Variants in EYA1 observed in about 807,000 individuals in gnomAD.
EYA1 encodes the protein EYA transcriptional coactivator and phosphatase 1, also known as protein phosphatase EYA1.
Under a neutral mutation model 82.0 loss-of-function variants are expected in EYA1, and 16 were observed. The observed-to-expected ratio is 0.20, with a 90% CI of 0.13 to 0.30. EYA1 has a LOEUF of 0.30. EYA1 is among the 10% of genes least tolerant of loss of function. EYA1 has a pLI of 1.00. For missense variants in EYA1, 633 were observed against 730.7 expected (o/e 0.87, Z 1.54); for synonymous variants, 261 against 264.4 (o/e 0.99, Z 0.12).
chr8:71,417,714 A>G lies in EYA1; in HGVS notation c.34-61203T>C, dbSNP rs546239106. Among the ~76,000 whole-genome samples the G allele has an allele frequency of 2.9e-4, 44 of 152,298 alleles. No individual in the cohort carries two copies. In the South Asian group the frequency reaches 8.7e-3, roughly 30 times the overall value. On this transcript the variant is annotated intron_variant, in intron 2 of 18. Coordinates refer to the EYA1 transcript ENST00000643681. ...ACCAGACAGCCCTCTATAACAAAGAATGATCCGGCCAACATGTCAGCAATG... is the reference window on the plus strand; with the variant it reads ...ACCAGACAGCCCTCTATAACAAAGAGTGATCCGGCCAACATGTCAGCAATG...
upstream of EYA1, among the ~76,000 whole-genome samples, chr8:71,362,696 G>C (rs1827507594): frequency 6.6e-6 from 1 of 152,152 alleles, no homozygotes. Flanking sequence ...CCTTGGCTAT[G>C]AACCAGATAA....
At chr8:71,488,187 AATCAATGATATAAAGGATAAATATAC>A (rs1224088347) in intron 2 of EYA1, among the ~76,000 whole-genome samples, 22 of 152,280 alleles carry the variant, frequency 1.4e-4, no homozygotes, top group Non-Finnish European at 2.9e-5. Flanking sequence ...ATCAAATATA[AATCAATGATATAAAGGATAAATATAC>A]ATCAATGATA....
intron 7 of EYA1, among the ~76,000 whole-genome samples, chr8:71,312,585 G>A (rs895558764): frequency 2.0e-5 from 3 of 152,090 alleles, no homozygotes; most frequent in African/African-American, 7.2e-5. Flanking sequence ...TTACAGGCAC[G>A]TGACATTACA....
chr8:71,275,786 G>A (rs1817097312), intron 9 of EYA1, among the ~76,000 whole-genome samples: 1 of 152,122 alleles, frequency 6.6e-6, no homozygotes. Flanking sequence ...ACAACAGGGG[G>A]TAAAACTCCT....
intron 2 of EYA1, among the ~76,000 whole-genome samples, chr8:71,522,114 G>A (rs572941964): frequency 6.6e-6 from 1 of 152,224 alleles, no homozygotes; most frequent in Admixed American, 6.5e-5. Flanking sequence ...TGCTTTATGT[G>A]AAACTTTCTG....
In EYA1 at chr8:71,533,789, G is replaced by A. The variant is rs112780428; in HGVS notation, c.33+1955C>T. On this transcript the variant is annotated intron_variant, in intron 2 of 18. Coordinates refer to the EYA1 transcript ENST00000643681. ...TGGCTGAGCAGTCAGCTGCCAAATTGCCAGGACACAGATTCTCCAATCAGT... is the reference window on the plus strand; with the variant it reads ...TGGCTGAGCAGTCAGCTGCCAAATTACCAGGACACAGATTCTCCAATCAGT... Among the ~76,000 whole-genome samples the A allele has an allele frequency of 5.6e-3, 851 of 152,242 alleles. 7 individuals carry two copies. Among genetic ancestry groups the A allele is most frequent in the African/African-American group, 0.019 (804 of 41,536 alleles).
chr8:71,407,048 T>C (rs1830287724), intron 2 of EYA1, among the ~76,000 whole-genome samples: 1 of 113,216 alleles, frequency 8.8e-6, no homozygotes, highest in Admixed American at 9.4e-5. Flanking sequence ...GACTGCCTCC[T>C]CAAGTGGGTC....
At chr8:71,489,812 G>A (rs754580782) in intron 2 of EYA1, among the ~76,000 whole-genome samples, 10 of 152,236 alleles carry the variant, frequency 6.6e-5, no homozygotes, top group Non-Finnish European at 1.3e-4. Flanking sequence ...ATCAACTTCA[G>A]TTGACAATGC....
intron 2 of EYA1, among the ~76,000 whole-genome samples, chr8:71,396,932 T>C (rs985325056): frequency 7.9e-5 from 12 of 152,192 alleles, no homozygotes; most frequent in Non-Finnish European, 1.8e-4. Flanking sequence ...TAAATCTCTT[T>C]ATAGGTCTCT....
At chr8:71,510,529 A>G (rs1272195500) in intron 2 of EYA1, among the ~76,000 whole-genome samples, 2 of 152,170 alleles carry the variant, frequency 1.3e-5, no homozygotes, top group African/African-American at 4.8e-5. Context: ...GTACCTCTCC[A>G]CAGGGCGGGA....
At chr8:71,322,015 A>G (rs1662284509) in intron 5 of EYA1, 136 bp from the exon 6 acceptor site, 11 of 1,246,554 alleles carry the variant, frequency 8.8e-6, no homozygotes, top group Non-Finnish European at 1.2e-5. Context: ...TTGACAAAGC[A>G]CTGAAATACT....
intron 7 of EYA1, among the ~76,000 whole-genome samples, chr8:71,301,141 T>C (rs1391092391): frequency 3.3e-5 from 5 of 152,192 alleles, no homozygotes; most frequent in African/African-American, 4.8e-5. Context: ...TTCAGATGGC[T>C]CCAGGTATAA....
intron 17 of EYA1, among the ~76,000 whole-genome samples, chr8:71,210,414 A>C (rs1808357588): frequency 1.3e-5 from 2 of 152,202 alleles, no homozygotes; most frequent in Admixed American, 6.5e-5. Flanking sequence ...CTACAGTGTA[A>C]GGTACAGGAG....
chr8:71,488,341 G>A (rs571407490), intron 2 of EYA1, among the ~76,000 whole-genome samples: 7 of 151,996 alleles, frequency 4.6e-5, no homozygotes, highest in Admixed American at 4.6e-4. Flanking sequence ...ATGATATAAA[G>A]GATAAATGAT....
chr8:71,225,841 T>G (rs2128873097), intron 12 of EYA1, among the ~76,000 whole-genome samples: 1 of 152,328 alleles, frequency 6.6e-6, no homozygotes, highest in African/African-American at 2.4e-5. Flanking sequence ...TTAATATACT[T>G]AATGTTATAA....
chr8:71,254,384 C>T (rs73288336), intron 11 of EYA1, among the ~76,000 whole-genome samples: 1 of 151,810 alleles, frequency 6.6e-6, no homozygotes, highest in African/African-American at 2.4e-5. Context: ...TCAAGAAAAC[C>T]CAGACTCCCA....
chr8:71,257,635 T>C (rs1283529110), intron 11 of EYA1, among the ~76,000 whole-genome samples: 3 of 152,348 alleles, frequency 2.0e-5, no homozygotes, highest in African/African-American at 4.8e-5. Context: ...AGAATGTATG[T>C]CAGACGATGC....
intron 16 of EYA1, among the ~76,000 whole-genome samples, chr8:71,214,130 T>C (rs1808882066): frequency 6.6e-6 from 1 of 152,174 alleles, no homozygotes; most frequent in Non-Finnish European, 1.5e-5. Context: ...TTTGCCCCTT[T>C]TTATTATATG....
In EYA1 at chr8:71,278,548, AATT is replaced by A. The variant is rs1276302745; in HGVS notation, c.827-6654_827-6652del. 9.8e-5 allele frequency among the ~76,000 whole-genome samples: 15 copies of A among 152,338 alleles called. No homozygotes were observed. The East Asian group carries it at 2.9e-3, about 29-fold the overall frequency. ...AAAGATGCTTATATATTTGCTTAAA[AATT>A]ATATTCCCTCTGTGAACAGTCCAAA... is the stretch of plus-strand genomic sequence containing the variant. On this transcript the variant is annotated intron_variant, in intron 9 of 17. Coordinates refer to ENST00000340726, the MANE Select transcript of EYA1 (RefSeq NM_000503.6).
Sources: gnomAD v4.1 joint callset for allele counts (sites outside exome capture counted in the v4.1 genomes callset) on GRCh38, gnomAD v4.1.1 for gene constraint, MANE v1.5 for transcripts, NCBI Gene and HGNC (gene_info 2026-07-23, HGNC 2026-07-21) for gene names.